PIP5K1C: variants seen among roughly 807,000 people sequenced by gnomAD.
PIP5K1C encodes phosphatidylinositol-4-phosphate 5-kinase type 1 gamma.
In PIP5K1C, 45 loss-of-function variants were observed where a neutral mutation model predicts 80.1. The ratio of observed to expected loss-of-function variants is 0.56; its 90% CI spans 0.44 to 0.72. The LOEUF is 0.72. Ranked by LOEUF, PIP5K1C falls within the 30% of genes least tolerant of loss-of-function variation. PIP5K1C has a pLI of 0.00. For missense variants in PIP5K1C, 753 were observed against 954.6 expected (o/e 0.79, Z 2.78); for synonymous variants, 498 against 420.1 (o/e 1.19, Z -2.27).
Position 3,637,677 on chromosome 19 carries a change from C to T in PIP5K1C, c.1920+1207G>A. On this transcript the variant is annotated intron_variant, in intron 16 of 17. Coordinates refer to ENST00000335312, the MANE Select transcript of PIP5K1C (RefSeq NM_012398.3). This position sits in a 1 kb window ranked among gnomAD's most constrained non-coding sequence, Gnocchi z 7.0. ...AAACAGAGGACAGCGGATGAGGCGGCCACCCCCGTGGTCGGGTGGGAGAGG... is the reference window on the plus strand; with the variant it reads ...AAACAGAGGACAGCGGATGAGGCGGTCACCCCCGTGGTCGGGTGGGAGAGG... 6.6e-7 allele frequency: 1 copy of T among 1,507,590 alleles called. No homozygotes were observed. The highest frequency in any genetic ancestry group is 8.8e-7 in the Non-Finnish European group (1 of 1,131,560). The allele number at this position is 1,507,590 out of a possible 1,614,324, so 93.4% of individuals were successfully genotyped here.
chr19:3,633,729 G>A (rs924867632), intron 16 of PIP5K1C, among the ~76,000 whole-genome samples: 12 of 147,578 alleles, frequency 8.1e-5, no homozygotes, highest in Admixed American at 1.3e-4. Flanking sequence ...TCAGCTTGGC[G>A]GGGCGGGGCA....
At position 3,644,186 on chromosome 19, in the gene PIP5K1C, G is replaced by T; in HGVS notation, c.1411C>A (p.Pro471Thr). 2 of 1,612,184 alleles carry T rather than the reference G, an allele frequency of 1.2e-6. No individual in the cohort carries two copies. Among genetic ancestry groups the T allele is most frequent in the Non-Finnish European group, 1.7e-6 (2 of 1,179,860 alleles). The change falls in exon 12 of 18, where the codon CCC (proline) becomes ACC (threonine). Residue 471 changes from proline to threonine, a missense_variant. Coordinates refer to ENST00000335312, the MANE Select transcript of PIP5K1C (RefSeq NM_012398.3). Reference sequence around the variant, plus strand: ...TGGCTGGCCGAGAAGGCAGCGGTGGGCCCCAGCGGTTTCACAGCTAGCAAG... The same window carrying T: ...TGGCTGGCCGAGAAGGCAGCGGTGGTCCCCAGCGGTTTCACAGCTAGCAAG... ...GALLAVKPLGPTAAFSASQIP... is the reference protein window; with the variant it reads ...GALLAVKPLGTTAAFSASQIP...
chr19:3,644,005 G>A, intron 12 of PIP5K1C, 82 bp downstream of exon 12: 1 of 1,509,950 alleles, frequency 6.6e-7, no homozygotes, highest in Non-Finnish European at 9.1e-7. Context: ...GGGCACTCAG[G>A]ATGAGGCGGC....
At chr19:3,691,289 G>A (rs2035941216) in intron 1 of PIP5K1C, among the ~76,000 whole-genome samples, 1 of 152,224 alleles carries the variant, frequency 6.6e-6, no homozygotes. Context: ...GTACAGTGCT[G>A]ATGCTGCGTT....
In PIP5K1C at chr19:3,664,928, G is replaced by A. The variant is rs900402203; in HGVS notation, c.127-14C>T. The stretch of plus-strand genomic sequence containing the variant: ...CATGGACAGAACCTGGGAAGAGGAA[G>A]CAGGAAGCGTTAACTCCCTAAGGAG... On this transcript the variant is annotated splice_polypyrimidine_tract_variant and intron_variant, in intron 2 of 17. Transcript: ENST00000335312. The A allele has an allele frequency of 5.6e-6, 9 of 1,604,634 alleles. No individual in the cohort carries two copies. Among genetic ancestry groups the A allele is most frequent in the African/African-American group, 4.0e-5 (3 of 74,782 alleles).
intron 1 of PIP5K1C, among the ~76,000 whole-genome samples, chr19:3,691,742 G>A (rs1181294321): frequency 6.6e-6 from 1 of 152,186 alleles, no homozygotes; most frequent in Non-Finnish European, 1.5e-5. Context: ...ACCTTTCTGG[G>A]TTACAGAAGC....
intron 1 of PIP5K1C, among the ~76,000 whole-genome samples, chr19:3,675,845 C>T (rs373378758): frequency 1.3e-5 from 2 of 152,336 alleles, no homozygotes; most frequent in East Asian, 1.9e-4. Flanking sequence ...GCCAGGGGCA[C>T]CCCCCAGCTG....
rs907035918 is a variant in PIP5K1C, at chr19:3,637,911, A to G, written c.1920+973T>C. The G allele has an allele frequency of 6.5e-7, 1 of 1,535,184 alleles. No individual in the cohort carries two copies. Among genetic ancestry groups the G allele is most frequent in the African/African-American group, 1.4e-5 (1 of 73,004 alleles). ...ACGCGCACAAACCAGTCCCAGGAAA[A>G]GGGGTGACGACGTGCGGTGGGTAGG... On this transcript the variant is annotated intron_variant, in intron 16 of 17. Transcript: ENST00000335312. This position sits in a 1 kb window ranked among gnomAD's most constrained non-coding sequence, Gnocchi z 7.0.
chr19:3,684,976 C>T (rs1002792085), intron 1 of PIP5K1C, among the ~76,000 whole-genome samples: 1 of 152,210 alleles, frequency 6.6e-6, no homozygotes, highest in Admixed American at 6.5e-5. Flanking sequence ...TAATTTGCAA[C>T]TTCCATCCTT....
At chr19:3,662,754 C>T (rs541832851) in intron 3 of PIP5K1C, among the ~76,000 whole-genome samples, 78 of 152,170 alleles carry the variant, frequency 5.1e-4, no homozygotes, top group African/African-American at 1.7e-3. Context: ...TTAGTAGAGA[C>T]GGGGTTTCAC....
intron 1 of PIP5K1C, among the ~76,000 whole-genome samples, chr19:3,681,971 G>A (rs1045806587): frequency 3.3e-5 from 5 of 152,076 alleles, no homozygotes; most frequent in African/African-American, 9.7e-5. Flanking sequence ...ATGCTTCCAC[G>A]AGCCCAGATT....
At chr19:3,676,318 G>A (rs796107387) in intron 1 of PIP5K1C, among the ~76,000 whole-genome samples, 38 of 152,312 alleles carry the variant, frequency 2.5e-4, no homozygotes, top group African/African-American at 9.1e-4. Flanking sequence ...GCCGTAAACT[G>A]TCACCCGGTA....
chr19:3,637,690 C>A lies in PIP5K1C; in HGVS notation c.1920+1194G>T. 2 of 1,313,744 alleles carry A rather than the reference C, an allele frequency of 1.5e-6. No individual in the cohort carries two copies. Among genetic ancestry groups the A allele is most frequent in the Admixed American group, 2.3e-5 (1 of 42,996 alleles). 81.4% of individuals were successfully genotyped at this position (1,313,744 alleles called of 1,614,324 possible). A position where few individuals can be genotyped will look rare whatever the true frequency, so the allele number is the denominator to read the frequency against. On this transcript the variant is annotated intron_variant, in intron 16 of 17. Transcript: ENST00000335312. This position sits in a 1 kb window ranked among gnomAD's most constrained non-coding sequence, Gnocchi z 7.0. The stretch of plus-strand genomic sequence containing the variant: ...CGGATGAGGCGGCCACCCCCGTGGT[C>A]GGGTGGGAGAGGCGGAGGGAGGTGG...
At chr19:3,690,098 T>A (rs1395161175) in intron 1 of PIP5K1C, among the ~76,000 whole-genome samples, 1 of 148,766 alleles carries the variant, frequency 6.7e-6, no homozygotes, top group Non-Finnish European at 1.5e-5. Flanking sequence ...TCACTGCAAG[T>A]CTGATTACTT....
chr19:3,694,056 C>G (rs1421781660), intron 1 of PIP5K1C, among the ~76,000 whole-genome samples: 1 of 151,918 alleles, frequency 6.6e-6, no homozygotes, highest in Non-Finnish European at 1.5e-5. Context: ...ACTAAAAATA[C>G]AAAACATTAG....
intron 15 of PIP5K1C, among the ~76,000 whole-genome samples, chr19:3,641,073 T>C (rs1316983253): frequency 2.0e-5 from 3 of 151,392 alleles, no homozygotes; most frequent in African/African-American, 7.3e-5. Flanking sequence ...AAATTAGCCA[T>C]GCGTGGTGGT....
At chr19:3,636,523 G>T in intron 16 of PIP5K1C, 1 of 985,532 alleles carries the variant, frequency 1.0e-6, no homozygotes, top group Non-Finnish European at 1.2e-6. Context: ...TGCCTATGGT[G>T]GGGTGGCCAG....
At chr19:3,698,680 G>A (rs533418055) in intron 1 of PIP5K1C, among the ~76,000 whole-genome samples, 5 of 152,048 alleles carry the variant, frequency 3.3e-5, no homozygotes, top group Non-Finnish European at 5.9e-5. Flanking sequence ...CCAAGGCACA[G>A]AAGCCCCAGT....
At chr19:3,643,049 C>A in intron 13 of PIP5K1C, 110 bp from the exon 14 acceptor site, 2 of 1,479,026 alleles carry the variant, frequency 1.4e-6, no homozygotes, top group Admixed American at 3.4e-5. Context: ...GCCCTGCCCA[C>A]CTGTACATAT....
Sources: gnomAD v4.1 joint callset for allele counts (sites outside exome capture counted in the v4.1 genomes callset) on GRCh38, gnomAD v4.1.1 for gene constraint, Gnocchi (gnomAD v3.1) non-coding constraint, MANE v1.5 for transcripts, NCBI Gene and HGNC (gene_info 2026-07-23, HGNC 2026-07-21) for gene names.